Variants in AK5 observed in about 807,000 individuals in gnomAD.
AK5 encodes adenylate kinase 5, also known as adenylate kinase isoenzyme 5.
A neutral mutation model predicts 69.5 loss-of-function variants in AK5; 27 were observed. The ratio of observed to expected loss-of-function variants is 0.39; its 90% confidence interval spans 0.29 to 0.54. AK5 has a LOEUF of 0.54. AK5 is among the 20% of genes least tolerant of loss of function. AK5 has a pLI of 0.71. For missense variants in AK5, 531 were observed against 700.4 expected (o/e 0.76, Z 2.73); for synonymous variants, 260 against 244.4 (o/e 1.06, Z -0.60).
intron 5 of AK5, among the ~76,000 whole-genome samples, chr1:77,330,228 T>C (rs2100350846): frequency 6.6e-6 from 1 of 152,348 alleles, no homozygotes; most frequent in Non-Finnish European, 1.5e-5. Flanking sequence ...AGTGTGTTTT[T>C]CTCTATTTTA....
intron 8 of AK5, among the ~76,000 whole-genome samples, chr1:77,423,085 G>A (rs1650934346): frequency 6.6e-6 from 1 of 151,972 alleles, no homozygotes; most frequent in Admixed American, 6.6e-5. Flanking sequence ...GCCGGGCGTG[G>A]TGGTGGGCAC....
At chr1:77,487,299 C>T (rs1194865737) in intron 10 of AK5, among the ~76,000 whole-genome samples, 2 of 152,092 alleles carry the variant, frequency 1.3e-5, no homozygotes, top group Non-Finnish European at 2.9e-5. Context: ...GATTATGAAG[C>T]TAATGAGTGT....
chr1:77,497,856 A>G (rs1409606379), intron 10 of AK5, among the ~76,000 whole-genome samples: 1 of 152,200 alleles, frequency 6.6e-6, no homozygotes, highest in Non-Finnish European at 1.5e-5. Context: ...CACTGGGATT[A>G]CAGGCATGAG....
At chr1:77,420,373 G>C (rs1308475497) in intron 8 of AK5, 2 of 152,080 alleles carry the variant, frequency 1.3e-5, no homozygotes, top group African/African-American at 4.8e-5. Flanking sequence ...TCTAGTTTTT[G>C]CTGGAAAGCC....
At chr1:77,455,712 T>C (rs981569540) in intron 8 of AK5, among the ~76,000 whole-genome samples, 2 of 152,124 alleles carry the variant, frequency 1.3e-5, no homozygotes, top group African/African-American at 4.8e-5. Flanking sequence ...CTGTACCCAA[T>C]AGTCATTACC....
chr1:77,429,096 T>A (rs1651417725), intron 8 of AK5, among the ~76,000 whole-genome samples: 1 of 152,258 alleles, frequency 6.6e-6, no homozygotes, highest in Non-Finnish European at 1.5e-5. Flanking sequence ...GCATGATTTA[T>A]AATCCTTTGG....
chr1:77,283,375 G>T, intron 1 of AK5: 3 of 985,342 alleles, frequency 3.0e-6, no homozygotes, highest in Non-Finnish European at 3.6e-6. Context: ...TGCAAACCTC[G>T]TTCCCCATTT....
intron 5 of AK5, among the ~76,000 whole-genome samples, chr1:77,334,262 A>C: frequency 6.6e-6 from 1 of 152,222 alleles, no homozygotes; most frequent in East Asian, 1.9e-4. Flanking sequence ...ACACTTTAAA[A>C]AAATAGTGTC....
chr1:77,489,555 T>C (rs1373614919), intron 10 of AK5, among the ~76,000 whole-genome samples: 1 of 152,224 alleles, frequency 6.6e-6, no homozygotes, highest in African/African-American at 2.4e-5. Context: ...CATAGCTGTT[T>C]TGATGAGTTC....
intron 10 of AK5, among the ~76,000 whole-genome samples, chr1:77,516,841 G>A (rs536742528): frequency 7.9e-5 from 12 of 152,154 alleles, no homozygotes; most frequent in South Asian, 4.2e-4. Context: ...AGGCTGAGGC[G>A]GGTGCATCAC....
chr1:77,313,838 C>T, intron 5 of AK5: 1 of 533,166 alleles, frequency 1.9e-6, no homozygotes, highest in Non-Finnish European at 3.8e-6. Flanking sequence ...CAGTCAGATC[C>T]TCTCCCTTAC....
intron 6 of AK5, among the ~76,000 whole-genome samples, chr1:77,388,441 C>T (rs575566343): frequency 7.9e-5 from 12 of 152,294 alleles, no homozygotes; most frequent in African/African-American, 2.9e-4. Context: ...TCTGAATTAT[C>T]ATCACCCCAA....
chr1:77,512,285 G>A (rs1468735840), intron 10 of AK5, among the ~76,000 whole-genome samples: 2 of 152,110 alleles, frequency 1.3e-5, no homozygotes, highest in Admixed American at 6.5e-5. Flanking sequence ...GTGCACACAC[G>A]GGTATATCTT....
At chr1:77,558,572 C>G in intron 13 of AK5, 30 bp from the exon 14 acceptor site, 1 of 1,329,412 alleles carries the variant, frequency 7.5e-7, no homozygotes, top group South Asian at 1.2e-5. Context: ...ATATTTCAGA[C>G]TAACTCTCTT....
chr1:77,326,591 G>A (rs911481482), intron 5 of AK5, among the ~76,000 whole-genome samples: 11 of 151,932 alleles, frequency 7.2e-5, no homozygotes, highest in Non-Finnish European at 1.5e-4. Flanking sequence ...TCACTCTTTT[G>A]TATTCTCCCA....
At chr1:77,364,736 G>A (rs1315724681) in intron 6 of AK5, among the ~76,000 whole-genome samples, 1 of 152,154 alleles carries the variant, frequency 6.6e-6, no homozygotes, top group Non-Finnish European at 1.5e-5. Context: ...TATTCTGTTG[G>A]ATGTGTATAG....
At chr1:77,440,318 G>T (rs1317929027) in intron 8 of AK5, among the ~76,000 whole-genome samples, 1 of 152,102 alleles carries the variant, frequency 6.6e-6, no homozygotes, top group Admixed American at 6.5e-5. Context: ...TGGCCTATAA[G>T]GTTTCTCCTG....
At chr1:77,515,228 G>C (rs1322536968) in intron 10 of AK5, among the ~76,000 whole-genome samples, 7 of 152,158 alleles carry the variant, frequency 4.6e-5, no homozygotes, top group African/African-American at 1.7e-4. Flanking sequence ...GCTTAGAGCA[G>C]CTGTATAGAT....
At chr1:77,494,319 C>T (rs1656169757) in intron 10 of AK5, among the ~76,000 whole-genome samples, 1 of 152,186 alleles carries the variant, frequency 6.6e-6, no homozygotes, top group African/African-American at 2.4e-5. Context: ...TATTGATTAG[C>T]AATTGAGTTA....
Sources: allele counts gnomAD v4.1 joint callset (sites outside exome capture counted in the v4.1 genomes callset), GRCh38; gene constraint gnomAD v4.1.1; transcripts MANE v1.5; gene names NCBI Gene and HGNC (gene_info 2026-07-23, HGNC 2026-07-21).